Variants in AP3S1 observed in about 807,000 individuals in gnomAD.
AP3S1 encodes AP-3 complex subunit sigma-1.
In AP3S1, 12 loss-of-function variants were observed where a neutral mutation model predicts 21.3. The ratio of observed to expected loss-of-function variants is 0.56; its 90% CI spans 0.36 to 0.91. The LOEUF is 0.91. Among genes scored for constraint, AP3S1 ranks in the 40% least tolerant of loss-of-function variants. The pLI is 0.01. For missense variants in AP3S1, 116 were observed against 225.0 expected, an observed-to-expected ratio of 0.52 and a Z score of 3.10; for synonymous variants, 48 against 78.4, an observed-to-expected ratio of 0.61 and a Z score of 2.05.
chr5:115,902,836 C>A, intron 4 of AP3S1, 49 bp from the exon 5 acceptor site: 1 of 1,336,192 alleles, frequency 7.5e-7, no homozygotes, highest in Non-Finnish European at 1.0e-6. Context: ...CATGAAACTT[C>A]TTTTTAGTGA....
chr5:115,848,947 T>C (rs1281066585), intron 1 of AP3S1, among the ~76,000 whole-genome samples: 1 of 152,216 alleles, frequency 6.6e-6, no homozygotes. Flanking sequence ...TTTCTTAAGA[T>C]TCCAAGTGGA....
chr5:115,849,617 C>T lies in AP3S1; in HGVS notation c.69+7511C>T, dbSNP rs139286952. On this transcript the variant is annotated intron_variant, in intron 1 of 5. Transcript: ENST00000316788. ...GTTCTCCACAAGAGGAGATACTCCTCTTTGAATCACACTTGCATTTTGCCA... is the reference window on the plus strand; with the variant it reads ...GTTCTCCACAAGAGGAGATACTCCTTTTTGAATCACACTTGCATTTTGCCA... Among the ~76,000 whole-genome samples, 40 of 152,328 alleles carry T rather than the reference C, an allele frequency of 2.6e-4. No homozygotes were observed. In the East Asian group the frequency reaches 6.4e-3, roughly 24 times the overall value.
At chr5:115,875,536 G>A (rs980831258) in intron 3 of AP3S1, among the ~76,000 whole-genome samples, 4 of 152,266 alleles carry the variant, frequency 2.6e-5, no homozygotes, top group Admixed American at 6.5e-5. Flanking sequence ...TAGGAAAACC[G>A]ACTGTCCAGC....
chr5:115,909,079 A>G (rs1041625386), intron 5 of AP3S1: 2 of 634,092 alleles, frequency 3.2e-6, no homozygotes, highest in African/African-American at 4.5e-5. Context: ...ATTATGCTGT[A>G]TTCAAACTTG....
chr5:115,896,211 A>G (rs1016425015), intron 4 of AP3S1, among the ~76,000 whole-genome samples: 5 of 152,232 alleles, frequency 3.3e-5, no homozygotes, highest in Non-Finnish European at 7.3e-5. Flanking sequence ...TGTAACCAGC[A>G]TCACAATCAA....
intron 1 of AP3S1, among the ~76,000 whole-genome samples, chr5:115,854,451 C>G (rs1339685525): frequency 6.6e-6 from 1 of 152,012 alleles, no homozygotes; most frequent in Non-Finnish European, 1.5e-5. Flanking sequence ...ATTGTAGGTG[C>G]CCCAGTCTCT....
At chr5:115,865,726 A>G (rs1763559563) in intron 1 of AP3S1, among the ~76,000 whole-genome samples, 2 of 152,148 alleles carry the variant, frequency 1.3e-5, no homozygotes. Flanking sequence ...TTTGTGGACC[A>G]TTCACATCCT....
intron 3 of AP3S1, among the ~76,000 whole-genome samples, chr5:115,873,077 C>T (rs562843382): frequency 4.6e-5 from 7 of 152,244 alleles, no homozygotes; most frequent in African/African-American, 1.7e-4. Flanking sequence ...AAGACCAAAA[C>T]AAATGTGTCT....
At chr5:115,858,769 T>C (rs1295314939) in intron 1 of AP3S1, among the ~76,000 whole-genome samples, 1 of 151,070 alleles carries the variant, frequency 6.6e-6, no homozygotes, top group Non-Finnish European at 1.5e-5. Flanking sequence ...TCTTTATTTC[T>C]GAATTTCACT....
intron 1 of AP3S1, among the ~76,000 whole-genome samples, chr5:115,858,487 TG>T: frequency 6.6e-6 from 1 of 152,310 alleles, no homozygotes; most frequent in Middle Eastern, 3.4e-3. Flanking sequence ...CACAGACCCT[TG>T]CCATTGGTCT....
At chr5:115,888,454 A>G (rs958711643) in intron 3 of AP3S1, among the ~76,000 whole-genome samples, 1 of 152,162 alleles carries the variant, frequency 6.6e-6, no homozygotes, top group Non-Finnish European at 1.5e-5. Flanking sequence ...GATGATATTA[A>G]ATAATTTTTG....
intron 5 of AP3S1, chr5:115,909,124 T>C (rs561840618): frequency 2.8e-5 from 9 of 326,082 alleles, no homozygotes; most frequent in African/African-American, 2.0e-4. Flanking sequence ...GGTAGGATGG[T>C]ATTTTATGTC....
chr5:115,907,115 AT>A (rs1009658477), intron 5 of AP3S1: 50 of 620,078 alleles, frequency 8.1e-5, no homozygotes, highest in Non-Finnish European at 9.3e-5. Context: ...GAAAGTTTAA[AT>A]TTTTTTTAAA....
chr5:115,864,212 TAAG>T (rs1763429298), intron 1 of AP3S1, among the ~76,000 whole-genome samples: 1 of 152,230 alleles, frequency 6.6e-6, no homozygotes, highest in South Asian at 2.1e-4. Flanking sequence ...CTTGGTTCTA[TAAG>T]AAGGAGTGGA....
intron 3 of AP3S1, 73 bp downstream of exon 3, chr5:115,870,201 T>C: frequency 1.1e-6 from 1 of 899,640 alleles, no homozygotes; most frequent in South Asian, 1.6e-5. Context: ...TTATATATTC[T>C]AAATTTTCTA....
At chr5:115,872,859 A>G (rs1748389030) in intron 3 of AP3S1, among the ~76,000 whole-genome samples, 1 of 152,120 alleles carries the variant, frequency 6.6e-6, no homozygotes, top group South Asian at 2.1e-4. Context: ...AGAGCATTAT[A>G]TTTTTACAGA....
intron 3 of AP3S1, among the ~76,000 whole-genome samples, chr5:115,883,768 T>C (rs1749521957): frequency 6.6e-6 from 1 of 152,230 alleles, no homozygotes; most frequent in Non-Finnish European, 1.5e-5. Context: ...CGAAATACCA[T>C]TTTAAAAATC....
intron 5 of AP3S1, 27 bp downstream of exon 5, chr5:115,903,019 G>A (rs41332950): frequency 0.21 from 179,277 of 848,726 alleles, 16,247 homozygotes; most frequent in East Asian, 0.52. Flanking sequence ...CTGTAGTTAA[G>A]AAGGTTCTAA....
At chr5:115,884,890 C>G (rs1418239181) in intron 3 of AP3S1, among the ~76,000 whole-genome samples, 2 of 152,146 alleles carry the variant, frequency 1.3e-5, no homozygotes, top group Non-Finnish European at 2.9e-5. Flanking sequence ...AAGACTGATT[C>G]TTTACTAACA....
Sources: allele counts gnomAD v4.1 joint callset (sites outside exome capture counted in the v4.1 genomes callset), GRCh38; gene constraint gnomAD v4.1.1; transcripts MANE v1.5; gene names NCBI Gene and HGNC (gene_info 2026-07-23, HGNC 2026-07-21).